Variants in ERBB4 observed in about 807,000 individuals in gnomAD.
ERBB4 encodes the protein erb-b2 receptor tyrosine kinase 4.
ERBB4 carries 42 observed loss-of-function variants against 158.0 expected under a neutral mutation model. The observed-to-expected ratio is 0.27, with a 90% CI of 0.21 to 0.34. ERBB4 has a LOEUF of 0.34. ERBB4 is among the 10% of genes least tolerant of loss of function. The pLI is 1.00. For missense variants in ERBB4, 1,333 were observed against 1,624.1 expected (o/e 0.82, Z 3.08); for synonymous variants, 583 against 558.7 (o/e 1.04, Z -0.61).
chr2:212,449,350 AG>A (rs1218422240), intron 1 of ERBB4, among the ~76,000 whole-genome samples: 1 of 152,180 alleles, frequency 6.6e-6, no homozygotes, highest in Non-Finnish European at 1.5e-5. Context: ...TGGTAGGAAG[AG>A]GTACAAAATT....
intron 20 of ERBB4, among the ~76,000 whole-genome samples, chr2:211,491,124 TA>T (rs2065331204): frequency 6.6e-6 from 1 of 152,064 alleles, no homozygotes; most frequent in Non-Finnish European, 1.5e-5. Context: ...AATGTTGACA[TA>T]AAAGGGAAGA....
At chr2:211,594,111 C>T (rs2068556312) in intron 19 of ERBB4, among the ~76,000 whole-genome samples, 1 of 151,970 alleles carries the variant, frequency 6.6e-6, no homozygotes, top group African/African-American at 2.4e-5. Context: ...CTTGGTGGAA[C>T]CCAACCGATA....
At chr2:211,714,632 C>T (rs1260352187) in intron 7 of ERBB4, among the ~76,000 whole-genome samples, 1 of 152,180 alleles carries the variant, frequency 6.6e-6, no homozygotes, top group Non-Finnish European at 1.5e-5. Context: ...CTAAGCTATG[C>T]CACCTGTAGC....
chr2:211,469,833 A>G lies in ERBB4; in HGVS notation c.2488-38733T>C, dbSNP rs540075662. 5.3e-5 allele frequency among the ~76,000 whole-genome samples: 8 copies of G among 152,300 alleles called. No individual in the cohort carries two copies. The East Asian group carries it at 1.5e-3, about 29-fold the overall frequency. On this transcript the variant is annotated intron_variant, in intron 20 of 27. Coordinates refer to ENST00000342788, the MANE Select transcript of ERBB4 (RefSeq NM_005235.3). ...ATTCCTTTCTTTTTAAGAATAGGAAAAGATTTAGCAGAACAAAGAGGTTGC... is the reference window on the plus strand; with the variant it reads ...ATTCCTTTCTTTTTAAGAATAGGAAGAGATTTAGCAGAACAAAGAGGTTGC...
intron 19 of ERBB4, among the ~76,000 whole-genome samples, chr2:211,614,907 G>GGT (rs925186585): frequency 6.6e-6 from 1 of 151,752 alleles, no homozygotes; most frequent in Admixed American, 6.6e-5. Flanking sequence ...AATTTCCTAT[G>GGT]GTATATATAG....
chr2:212,139,962 A>AT (rs2080396889), intron 1 of ERBB4, among the ~76,000 whole-genome samples: 2 of 151,992 alleles, frequency 1.3e-5, no homozygotes, highest in East Asian at 3.9e-4. Flanking sequence ...GTTTCTACTG[A>AT]TATTATTTGC....
intron 19 of ERBB4, among the ~76,000 whole-genome samples, chr2:211,617,848 G>T (rs1340230649): frequency 2.0e-5 from 3 of 152,024 alleles, no homozygotes; most frequent in Non-Finnish European, 2.9e-5. Context: ...TTTGAAAATA[G>T]AAATCATTCT....
chr2:211,387,231 T>A (rs2125321088), intron 26 of ERBB4, 81 bp from the exon 27 acceptor site: 2 of 1,116,312 alleles, frequency 1.8e-6, no homozygotes, highest in Non-Finnish European at 2.7e-6. Flanking sequence ...CACAAGGATA[T>A]CAAAGCCAGT....
intron 25 of ERBB4, among the ~76,000 whole-genome samples, chr2:211,412,674 G>T (rs1448370811): frequency 6.6e-6 from 1 of 151,974 alleles, no homozygotes; most frequent in Non-Finnish European, 1.5e-5. Context: ...TGAACAATTT[G>T]GCCAGGCATG....
intron 3 of ERBB4, among the ~76,000 whole-genome samples, chr2:211,922,395 T>C (rs1026822132): frequency 6.6e-6 from 1 of 152,144 alleles, no homozygotes; most frequent in East Asian, 1.9e-4. Context: ...TCTGAATATG[T>C]AGGAAAAAAG....
Position 212,515,781 on chromosome 2 carries a change from G to A in ERBB4, c.82+22668C>T, listed in dbSNP as rs562456305. Among the ~76,000 whole-genome samples, 31 of 152,014 alleles carry A rather than the reference G, an allele frequency of 2.0e-4. 1 individual carries two copies. The South Asian group carries it at 6.4e-3, about 32-fold the overall frequency. On this transcript the variant is annotated intron_variant, in intron 1 of 27. Coordinates refer to ENST00000342788, the MANE Select transcript of ERBB4 (RefSeq NM_005235.3). ...TTACGCAAACTTTCTTCAGGGTAATGAACCATTAAATACCAAAAGCTTAAA... is the reference window on the plus strand; with the variant it reads ...TTACGCAAACTTTCTTCAGGGTAATAAACCATTAAATACCAAAAGCTTAAA...
At chr2:212,409,355 G>A (rs1409807404) in intron 1 of ERBB4, among the ~76,000 whole-genome samples, 1 of 152,084 alleles carries the variant, frequency 6.6e-6, no homozygotes, top group Admixed American at 6.6e-5. Context: ...ATATGGAGAT[G>A]TGGAGATTTT....
intron 2 of ERBB4, among the ~76,000 whole-genome samples, chr2:211,991,585 T>A (rs2082075925): frequency 6.6e-6 from 1 of 152,178 alleles, no homozygotes; most frequent in Admixed American, 6.6e-5. Flanking sequence ...ATATACTTGA[T>A]ATTTTTTTCC....
chr2:212,386,502 C>T (rs1048131024), intron 1 of ERBB4, among the ~76,000 whole-genome samples: 4 of 151,434 alleles, frequency 2.6e-5, no homozygotes, highest in African/African-American at 9.7e-5. Context: ...TAGAAAGCTA[C>T]CTATTCATTC....
chr2:211,832,824 T>C (rs2077253575), intron 3 of ERBB4, among the ~76,000 whole-genome samples: 1 of 149,558 alleles, frequency 6.7e-6, no homozygotes, highest in Non-Finnish European at 1.5e-5. Flanking sequence ...TTTGATGCAC[T>C]GAATTGAATA....
intron 20 of ERBB4, among the ~76,000 whole-genome samples, chr2:211,507,179 C>T (rs34880852): frequency 0.24 from 36,127 of 151,816 alleles, 4,541 homozygotes; most frequent in East Asian, 0.42. Flanking sequence ...AAATCCTAAA[C>T]GGACAAACAA....
At chr2:211,774,604 G>A (rs939752617) in intron 4 of ERBB4, among the ~76,000 whole-genome samples, 37 of 152,122 alleles carry the variant, frequency 2.4e-4, no homozygotes, top group African/African-American at 8.7e-4. Context: ...ACTTTTGAAC[G>A]GTTAGGATAT....
At chr2:212,422,205 A>T (rs2091808191) in intron 1 of ERBB4, among the ~76,000 whole-genome samples, 1 of 152,158 alleles carries the variant, frequency 6.6e-6, no homozygotes, top group Non-Finnish European at 1.5e-5. Context: ...AGCATTCATG[A>T]TTAAGAAACA....
intron 19 of ERBB4, among the ~76,000 whole-genome samples, chr2:211,616,283 C>G (rs2069386893): frequency 6.6e-6 from 1 of 152,082 alleles, no homozygotes. Context: ...AAGCTCCAGT[C>G]ACTTACAACG....
Sources: gnomAD v4.1 joint callset for allele counts (sites outside exome capture counted in the v4.1 genomes callset) on GRCh38, gnomAD v4.1.1 for gene constraint, MANE v1.5 for transcripts, NCBI Gene and HGNC (gene_info 2026-07-23, HGNC 2026-07-21) for gene names.